Variants in COQ4 observed in about 807,000 individuals in gnomAD.
COQ4 encodes the protein coenzyme Q4.
A neutral mutation model predicts 30.2 loss-of-function variants in COQ4; 36 were observed. The observed-to-expected ratio is 1.19, with a 90% CI of 0.91 to 1.57. The LOEUF is 1.57. COQ4 is among the 40% of genes most tolerant of loss of function. The pLI, the probability that COQ4 is intolerant of heterozygous loss-of-function variation, is 0.00. For missense variants in COQ4, 369 were observed against 371.9 expected (o/e 0.99, Z 0.07); for synonymous variants, 197 against 161.0 (o/e 1.22, Z -1.69).
rs1334637067 is a variant in COQ4 at position 128,323,085 on chromosome 9, T to A, written c.140T>A (p.Leu47Gln). The change falls in exon 2 of 7, where the codon CTG (leucine) becomes CAG (glutamine). Residue 47 changes from leucine to glutamine, a missense_variant. Physicochemically the swap from Leu to Gln is moderately radical, Grantham distance 113 (BLOSUM62 -2). Transcript: ENST00000300452. ...TCGCACCACCTCCCCACCTCCCCGC[T>A]GCAGAAAGGGCTGTTGGCCGCCGGC... ...LYSHHLPTSP[L>Q]QKGLLAAGSA... The A allele has an allele frequency of 6.2e-7, 1 of 1,612,104 alleles. No homozygotes were observed. Among genetic ancestry groups the A allele is most frequent in the Non-Finnish European group, 8.5e-7 (1 of 1,179,750 alleles).
chr9:128,329,636 T>C (rs1832374473), intron 4 of COQ4, among the ~76,000 whole-genome samples: 1 of 152,166 alleles, frequency 6.6e-6, no homozygotes, highest in Non-Finnish European at 1.5e-5. Flanking sequence ...TCCCAAAGTG[T>C]TGGGATTACA....
rs756763729 is a variant in COQ4, at chr9:128,333,660, G to A, written c.*15G>A. The stretch of plus-strand genomic sequence containing the variant: ...GCTTGGCCTGAGCTCCTGAGCCAGC[G>A]GGGCCTGGCCTACCTCCCCCATCCC... On this transcript the variant is annotated 3_prime_UTR_variant, in exon 7 of 7. Coordinates refer to ENST00000300452, the MANE Select transcript of COQ4 (RefSeq NM_016035.5). The A allele has an allele frequency of 4.3e-5, 65 of 1,517,150 alleles. No individual in the cohort carries two copies. The Admixed American group carries it at 4.3e-4, about 10-fold the overall frequency. The allele number at this position is 1,517,150 out of a possible 1,614,324, so 94.0% of individuals were successfully genotyped here. A position where few individuals can be genotyped will look rare whatever the true frequency, so the allele number is the denominator to read the frequency against.
intron 4 of COQ4, chr9:128,331,886 C>T (rs1832412761): frequency 3.4e-6 from 1 of 295,002 alleles, no homozygotes. Context: ...CACCACCACA[C>T]CCGGCTAATT....
intron 4 of COQ4, among the ~76,000 whole-genome samples, chr9:128,326,875 C>G (rs367643131): frequency 6.6e-6 from 1 of 151,694 alleles, no homozygotes; most frequent in Non-Finnish European, 1.5e-5. Flanking sequence ...CAACCCCCCA[C>G]GTAGCTGGGA....
At chr9:128,328,552 A>AC (rs560719451) in intron 4 of COQ4, among the ~76,000 whole-genome samples, 29 of 151,592 alleles carry the variant, frequency 1.9e-4, no homozygotes, top group African/African-American at 3.1e-4. Flanking sequence ...TGCCAGGAGC[A>AC]CCCCCCCGTC....
At position 128,325,296 on chromosome 9, in the gene COQ4, C is replaced by G. The variant is rs7022308; in HGVS notation, c.299+57C>G. On this transcript the variant is annotated intron_variant, in intron 3 of 6. Coordinates refer to ENST00000300452, the MANE Select transcript of COQ4 (RefSeq NM_016035.5). Reference sequence around the variant, plus strand: ...GCATTCTCTAGGTATTCTGACCTCTCTAGAATCACATTGTGTTTGTTCTGT... The same window carrying G: ...GCATTCTCTAGGTATTCTGACCTCTGTAGAATCACATTGTGTTTGTTCTGT... 0.078 allele frequency: 91,748 copies of G among 1,181,186 alleles called. 8,727 individuals carry two copies. The highest frequency in any genetic ancestry group is 0.45 in the African/African-American group (29,209 of 65,366). 73.2% of individuals were successfully genotyped at this position (1,181,186 alleles called of 1,614,324 possible). A position where few individuals can be genotyped will look rare whatever the true frequency, so the allele number is the denominator to read the frequency against.
Position 128,325,238 on chromosome 9 carries a change from C to A in COQ4, c.298C>A (p.Gln100Lys). 2 of 1,609,332 alleles carry A rather than the reference C, an allele frequency of 1.2e-6. No homozygotes were observed. The highest frequency in any genetic ancestry group is 1.7e-6 in the Non-Finnish European group (2 of 1,176,134). Residue 100 changes from glutamine (Q) to lysine (K), a missense_variant and splice_region_variant, in exon 3 of 7, where the codon CAG becomes AAG. Gln to Lys is a moderately conservative substitution (Grantham distance 53, BLOSUM62 1). Coordinates refer to ENST00000300452, the MANE Select transcript of COQ4 (RefSeq NM_016035.5). ...GGATCCAGAGGGTGCCCAGATCCTG[C>A]AGTAGGTCCCAGCTCTGCCTGGGGG... ...RRDPEGAQILQERPRISTSTL... is the reference protein window; with the variant it reads ...RRDPEGAQILKERPRISTSTL...
At position 128,328,208 on chromosome 9, in the gene COQ4, A is replaced by G. The variant is rs1361869948; in HGVS notation, c.402+2327A>G. Reference sequence around the variant, plus strand: ...TAGGCCACCAGAAGGAGGAGTCTGTATTTTGTAATAGGAGCAGTAGGAAAC... The same window carrying G: ...TAGGCCACCAGAAGGAGGAGTCTGTGTTTTGTAATAGGAGCAGTAGGAAAC... On this transcript the variant is annotated intron_variant, in intron 4 of 6. Transcript: ENST00000300452. Among the ~76,000 whole-genome samples the G allele has an allele frequency of 1.3e-5, 2 of 152,240 alleles. 1 individual carries two copies. Among genetic ancestry groups the G allele is most frequent in the Admixed American group, 1.3e-4 (2 of 15,284 alleles).
At chr9:128,325,307 TTG>T (rs2131465604) in intron 3 of COQ4, 68 bp downstream of exon 3, 2 of 1,124,654 alleles carry the variant, frequency 1.8e-6, no homozygotes. Flanking sequence ...TAGAATCACA[TTG>T]TGTTTGTTCT....
At chr9:128,333,023 T>A in intron 6 of COQ4, 80 bp downstream of exon 6, 1 of 1,048,560 alleles carries the variant, frequency 9.5e-7, no homozygotes, top group Non-Finnish European at 1.5e-6. Context: ...CTCTTAGAAG[T>A]AGGAAGAGCA....
chr9:128,327,985 G>A (rs1035660587), intron 4 of COQ4, among the ~76,000 whole-genome samples: 3 of 152,218 alleles, frequency 2.0e-5, no homozygotes, highest in Non-Finnish European at 4.4e-5. Flanking sequence ...GGTCAGGGCC[G>A]GCTCCTCTGA....
At chr9:128,325,116 C>T (rs780277549) in intron 2 of COQ4, 27 bp from the exon 3 acceptor site, 3 of 1,561,044 alleles carry the variant, frequency 1.9e-6, no homozygotes, top group Non-Finnish European at 2.6e-6. Flanking sequence ...TGACATCCCC[C>T]ATTTGTGCCC....
chr9:128,327,037 C>T (rs779451451), intron 4 of COQ4, among the ~76,000 whole-genome samples: 22 of 152,218 alleles, frequency 1.4e-4, no homozygotes, highest in African/African-American at 5.1e-4. Flanking sequence ...TGTGAGCCAC[C>T]GTGCCCAGCC....
In COQ4 at chr9:128,329,969, C is replaced by A. The variant is rs1832378616; in HGVS notation, c.403-2184C>A. On this transcript the variant is annotated intron_variant, in intron 4 of 6. Coordinates refer to ENST00000300452, the MANE Select transcript of COQ4 (RefSeq NM_016035.5). Reference sequence around the variant, plus strand: ...TTTATTCATATGTTCAAGAGGTGTTCATTCATCCAGGCCCTGGATCAGGCT... The same window carrying A: ...TTTATTCATATGTTCAAGAGGTGTTAATTCATCCAGGCCCTGGATCAGGCT... Among the ~76,000 whole-genome samples the A allele has an allele frequency of 2.6e-5, 4 of 152,170 alleles. 1 individual carries two copies. The highest frequency in any genetic ancestry group is 2.6e-4 in the Admixed American group (4 of 15,260).
At chr9:128,329,144 C>T (rs1445121579) in intron 4 of COQ4, among the ~76,000 whole-genome samples, 5 of 152,136 alleles carry the variant, frequency 3.3e-5, no homozygotes, top group Non-Finnish European at 5.9e-5. Flanking sequence ...GGCTCTCTTC[C>T]CAGCTTTACA....
intron 2 of COQ4, among the ~76,000 whole-genome samples, chr9:128,324,226 A>C (rs1021223129): frequency 6.6e-6 from 1 of 151,406 alleles, no homozygotes; most frequent in Admixed American, 6.6e-5. Context: ...TGATCCTCCC[A>C]CCTCGGCCTC....
At position 128,323,001 on chromosome 9, in the gene COQ4, TTTC is replaced by T; in HGVS notation, c.71-12_71-10del. ...GCCCGGCTCCTCTGACCTCGGCCTT[TTTC>T]TTGCCCCGCAGAAATGCCCCTCCGG... On this transcript the variant is annotated splice_polypyrimidine_tract_variant and intron_variant, in intron 1 of 6. Coordinates refer to ENST00000300452, the MANE Select transcript of COQ4 (RefSeq NM_016035.5). The T allele has an allele frequency of 6.2e-7, 1 of 1,610,842 alleles. No homozygotes were observed. The highest frequency in any genetic ancestry group is 1.1e-5 in the South Asian group (1 of 91,074).
chr9:128,333,918 G>A lies in COQ4; in HGVS notation c.*273G>A, dbSNP rs1832457501. ...TCTGGGCTCATGCTGGGATGTCGCA[G>A]TGCTCCTGTTGCAACTCCTCCCAGC... On this transcript the variant is annotated 3_prime_UTR_variant, in exon 7 of 7. Transcript: ENST00000300452. The A allele has an allele frequency of 1.1e-5, 3 of 277,788 alleles. No homozygotes were observed. The highest frequency in any genetic ancestry group is 1.3e-4 in the South Asian group (1 of 7,600). The allele number at this position is 277,788 out of a possible 1,614,324, so 17.2% of individuals were successfully genotyped here. A position where few individuals can be genotyped will look rare whatever the true frequency, so the allele number is the denominator to read the frequency against.
chr9:128,330,167 G>C (rs908271979), intron 4 of COQ4, among the ~76,000 whole-genome samples: 2 of 150,610 alleles, frequency 1.3e-5, no homozygotes, highest in Admixed American at 1.3e-4. Flanking sequence ...TCAGGAGTTT[G>C]AGACCAGCCT....
Sources: allele counts gnomAD v4.1 joint callset (sites outside exome capture counted in the v4.1 genomes callset), GRCh38; gene constraint gnomAD v4.1.1; transcripts MANE v1.5; gene names NCBI Gene and HGNC (gene_info 2026-07-23, HGNC 2026-07-21).